Variants in CCDC144A observed in about 807,000 individuals in gnomAD.
CCDC144A encodes coiled-coil domain-containing protein 144A.
In CCDC144A, 41 loss-of-function variants were observed where a neutral mutation model predicts 143.8. The observed-to-expected ratio is 0.29, with a 90% CI of 0.22 to 0.37. The LOEUF (loss-of-function observed/expected upper bound fraction) is 0.37. CCDC144A is among the 10% of genes least tolerant of loss of function. CCDC144A has a pLI of 1.00. For missense variants in CCDC144A, 637 were observed against 1,488.8 expected (o/e 0.43, Z 9.41); for synonymous variants, 242 against 517.9 (o/e 0.47, Z 7.23).
At chr17:16,666,732 C>A in the CCDC144A span, 1 of 427,504 alleles carries the variant, frequency 2.3e-6, no homozygotes, top group Non-Finnish European at 3.1e-6. Flanking sequence ...GGCGCTTCCC[C>A]AGCGCGGGCG....
At chr17:16,714,147 A>C (rs1912607712) in intron 6 of CCDC144A, among the ~76,000 whole-genome samples, 1 of 152,042 alleles carries the variant, frequency 6.6e-6, no homozygotes, top group African/African-American at 2.4e-5. Context: ...CATCTGTCAT[A>C]GTCTGTTTTG....
chr17:16,708,317 T>C (rs1461841257), intron 4 of CCDC144A, among the ~76,000 whole-genome samples: 1 of 152,114 alleles, frequency 6.6e-6, no homozygotes, highest in African/African-American at 2.4e-5. Flanking sequence ...TCCTAATAAT[T>C]TGAAGATTGC....
chr17:16,744,241 T>C (rs1914388041), intron 12 of CCDC144A, among the ~76,000 whole-genome samples: 1 of 152,228 alleles, frequency 6.6e-6, no homozygotes, highest in Non-Finnish European at 1.5e-5. Context: ...GCAGTTCTAC[T>C]TTTAGTTCCG....
Position 16,718,280 on chromosome 17 carries a change from AT to A in CCDC144A, c.1716-1917del, listed in dbSNP as rs1458591174. Among the ~76,000 whole-genome samples the A allele has an allele frequency of 5.3e-5, 8 of 152,200 alleles. No homozygotes were observed. In the East Asian group the frequency reaches 1.5e-3, roughly 29 times the overall value. ...GGGAAAGGCAACAGAGAAATGAGTG[AT>A]AACTGAAGAAGAATGTGGGATTCAA... On this transcript the variant is annotated intron_variant, in intron 6 of 16. Coordinates refer to ENST00000399273, the MANE Select transcript of CCDC144A (RefSeq NM_001382000.1).
At chr17:16,682,898 T>A in the CCDC144A span, among the ~76,000 whole-genome samples, 14 of 115,460 alleles carry the variant, frequency 1.2e-4, no homozygotes, top group Non-Finnish European at 2.0e-4. Context: ...TTTTTTTTTT[T>A]TTTTTTTTTT....
the CCDC144A span, chr17:16,684,335 A>G: frequency 2.9e-6 from 2 of 698,760 alleles, no homozygotes; most frequent in Non-Finnish European, 5.2e-6. Context: ...AACAATTTCC[A>G]TGAAGTTAAT....
At chr17:16,676,717 A>G in the CCDC144A span, among the ~76,000 whole-genome samples, 2 of 151,880 alleles carry the variant, frequency 1.3e-5, no homozygotes, top group East Asian at 1.9e-4. Context: ...CACATTTCCA[A>G]TCTTAGTACT....
Position 16,690,354 on chromosome 17 carries a change from G to A in CCDC144A, c.-47G>A. On this transcript the variant is annotated 5_prime_UTR_variant, in exon 1 of 17. Coordinates refer to ENST00000399273, the MANE Select transcript of CCDC144A (RefSeq NM_001382000.1). ...CCTCCTTTCGCAGATTGGAAACCGCGGGCTATCCTGCTGGGAGGTTGTGGC... is the reference window on the plus strand; with the variant it reads ...CCTCCTTTCGCAGATTGGAAACCGCAGGCTATCCTGCTGGGAGGTTGTGGC... The A allele has an allele frequency of 7.1e-7, 1 of 1,412,688 alleles. No homozygotes were observed. Among genetic ancestry groups the A allele is most frequent in the Non-Finnish European group, 9.4e-7 (1 of 1,058,236 alleles). The allele number at this position is 1,412,688 out of a possible 1,614,324, so 87.5% of individuals were successfully genotyped here. A position where few individuals can be genotyped will look rare whatever the true frequency, so the allele number is the denominator to read the frequency against.
At chr17:16,754,692 T>C (rs1198460358) in intron 12 of CCDC144A, among the ~76,000 whole-genome samples, 1 of 152,270 alleles carries the variant, frequency 6.6e-6, no homozygotes, top group Non-Finnish European at 1.5e-5. Context: ...GAGAAGAATG[T>C]GTATTCTGCA....
In CCDC144A at chr17:16,722,238, T is replaced by C. The variant is rs1398638230; in HGVS notation, c.1891+1580T>C. ...AGTTTTTTAATGTGGTGAATACTTA[T>C]ATTTTACTGTCAAACAAACCGTGTA... On this transcript the variant is annotated intron_variant, in intron 8 of 16. Coordinates refer to ENST00000399273, the MANE Select transcript of CCDC144A (RefSeq NM_001382000.1). 5.9e-5 allele frequency among the ~76,000 whole-genome samples: 9 copies of C among 152,194 alleles called. No individual in the cohort carries two copies. In the South Asian group the frequency reaches 6.2e-4, roughly 11 times the overall value.
chr17:16,745,932 C>T lies in CCDC144A; in HGVS notation c.3372+10289C>T, dbSNP rs532362390. On this transcript the variant is annotated intron_variant, in intron 12 of 16. Transcript: ENST00000399273. ...CTCATCCTCACTCCTTCTGGAAAGC[C>T]GGTCAGGCTCGTGGTGAGCTCTGTG... is the stretch of plus-strand genomic sequence containing the variant. 6.9e-6 allele frequency: 11 copies of T among 1,603,424 alleles called. No individual in the cohort carries two copies. The East Asian group carries it at 1.3e-4, about 20-fold the overall frequency.
In CCDC144A at chr17:16,774,953, A is replaced by G. The variant is rs1261335528; in HGVS notation, c.*1320A>G. 6.7e-6 allele frequency: 1 copy of G among 150,244 alleles called. No homozygotes were observed. Among genetic ancestry groups the G allele is most frequent in the Non-Finnish European group, 1.5e-5 (1 of 67,954 alleles). The allele number at this position is 150,244 out of a possible 1,614,324, so 9.3% of individuals were successfully genotyped here. ...TATTCAGCTCCCACTTGTAAGTGAG[A>G]GCATGCAGTATTTCATTTTCTATTT... On this transcript the variant is annotated 3_prime_UTR_variant, in exon 17 of 17. Transcript: ENST00000399273.
intron 12 of CCDC144A, among the ~76,000 whole-genome samples, chr17:16,757,530 G>C (rs1368784583): frequency 6.6e-6 from 1 of 152,258 alleles, no homozygotes; most frequent in Non-Finnish European, 1.5e-5. Context: ...GTCCTGGACA[G>C]TGTATGTGAG....
At chr17:16,673,738 T>C in the CCDC144A span, among the ~76,000 whole-genome samples, 1 of 152,144 alleles carries the variant, frequency 6.6e-6, no homozygotes, top group Non-Finnish European at 1.5e-5. Context: ...TATGTCCCTA[T>C]AGAATAATCT....
At chr17:16,700,577 A>G (rs1311748230) in intron 2 of CCDC144A, among the ~76,000 whole-genome samples, 3 of 152,170 alleles carry the variant, frequency 2.0e-5, no homozygotes, top group Non-Finnish European at 2.9e-5. Context: ...TGGGTGTCTC[A>G]TGCCTGCTAT....
rs1911977890 is a variant in CCDC144A at position 16,705,243 on chromosome 17, T to C, written c.508T>C (p.Ser170Pro). The C allele has an allele frequency of 1.3e-6, 1 of 776,496 alleles. No homozygotes were observed. Among genetic ancestry groups the C allele is most frequent in the Non-Finnish European group, 2.2e-6 (1 of 451,278 alleles). The allele number at this position is 776,496 out of a possible 1,614,324, so 48.1% of individuals were successfully genotyped here. A position where few individuals can be genotyped will look rare whatever the true frequency, so the allele number is the denominator to read the frequency against. Residue 170 changes from serine to proline, a missense_variant, in exon 3 of 17, where the codon TCA (serine) becomes CCA (proline). Transcript: ENST00000399273. Reference sequence around the variant, plus strand: ...TGATAAATGTCCATCTGTATCACCATCAATGCCTGAAAATCAGTCAGCAAC... The same window carrying C: ...TGATAAATGTCCATCTGTATCACCACCAATGCCTGAAAATCAGTCAGCAAC... ...VDDKCPSVSP[S>P]MPENQSATKE...
intron 2 of CCDC144A, among the ~76,000 whole-genome samples, chr17:16,696,729 C>T (rs1454019507): frequency 2.6e-5 from 4 of 151,792 alleles, no homozygotes; most frequent in Non-Finnish European, 5.9e-5. Flanking sequence ...ATGCTTTGGG[C>T]TATAAATACT....
At chr17:16,705,951 T>C in intron 3 of CCDC144A, 1 of 158,660 alleles carries the variant, frequency 6.3e-6, no homozygotes, top group East Asian at 1.9e-4. Flanking sequence ...GGCATGGTGG[T>C]GAACGCTTGT....
chr17:16,745,842 G>A (rs1431821260), intron 12 of CCDC144A: 3 of 1,601,548 alleles, frequency 1.9e-6, no homozygotes, highest in South Asian at 2.2e-5. Flanking sequence ...GGCCTCCCCC[G>A]GAGCCCCGCT....
Sources: allele counts gnomAD v4.1 joint callset (sites outside exome capture counted in the v4.1 genomes callset), GRCh38; gene constraint gnomAD v4.1.1; transcripts MANE v1.5; gene names NCBI Gene and HGNC (gene_info 2026-07-23, HGNC 2026-07-21).